The following DNAH2 variants were observed in gnomAD, a reference collection of about 807,000 sequenced individuals.
DNAH2 encodes dynein axonemal heavy chain 2, also known as axonemal beta dynein heavy chain 2.
DNAH2 carries 323 observed loss-of-function variants against 523.5 expected under a neutral mutation model. The ratio of observed to expected loss-of-function variants is 0.62; its 90% confidence interval spans 0.56 to 0.68. The LOEUF (loss-of-function observed/expected upper bound fraction) is 0.68, where lower values mean the gene tolerates loss of function less well. Among genes scored for constraint, DNAH2 ranks in the 30% least tolerant of loss-of-function variants. The pLI is 0.00. For missense variants in DNAH2, 4,907 were observed against 5,701.5 expected (o/e 0.86, Z 4.49); for synonymous variants, 2,093 against 2,177.4 (o/e 0.96, Z 1.08).
At chr17:7,818,134 T>C (rs767862191) in intron 68 of DNAH2, 38 bp downstream of exon 68, 3 of 1,607,876 alleles carry the variant, frequency 1.9e-6, no homozygotes, top group South Asian at 1.1e-5. Flanking sequence ...AGTGGGATGC[T>C]AGGGAGGGAA....
At position 7,818,058 on chromosome 17, in the gene DNAH2, C is replaced by T. The variant is rs1402191903; in HGVS notation, c.10349C>T (p.Thr3450Ile). Residue 3450 changes from threonine (T) to isoleucine (I), a missense_variant, in exon 68 of 86, where the codon ACA becomes ATA. Physicochemically the swap from Thr to Ile is moderately conservative, Grantham distance 89. Coordinates refer to ENST00000572933, the MANE Select transcript of DNAH2 (RefSeq NM_020877.5). ...LQNVQEYLDPTLNPMLNKSVA... is the reference protein window; with the variant it reads ...LQNVQEYLDPILNPMLNKSVA... ...AACGTGCAGGAATATCTGGACCCCA[C>T]ACTGAACCCCATGCTCAACAAATCT... 6.2e-7 allele frequency: 1 copy of T among 1,613,470 alleles called. No individual in the cohort carries two copies. Among genetic ancestry groups the T allele is most frequent in the South Asian group, 1.1e-5 (1 of 91,088 alleles).
Position 7,798,962 on chromosome 17 carries a change from G to C in DNAH2, c.8560-141G>C. ...AGTTCCAGCTACTCGGGGGTGGGGGGTGCTGAAGTGGGAGGATGGTTTGAG... is the reference window on the plus strand; with the variant it reads ...AGTTCCAGCTACTCGGGGGTGGGGGCTGCTGAAGTGGGAGGATGGTTTGAG... On this transcript the variant is annotated intron_variant, in intron 55 of 85. Coordinates refer to ENST00000572933, the MANE Select transcript of DNAH2 (RefSeq NM_020877.5). This position sits in a 1 kb window ranked among gnomAD's most constrained non-coding sequence, Gnocchi z 5.5. The C allele has an allele frequency of 2.4e-6, 3 of 1,253,588 alleles. 1 individual carries two copies. The highest frequency in any genetic ancestry group is 2.9e-5 in the South Asian group (2 of 69,692). 77.7% of individuals were successfully genotyped at this position (1,253,588 alleles called of 1,614,324 possible).
chr17:7,825,940 C>T (rs370978241), intron 77 of DNAH2, among the ~76,000 whole-genome samples: 5 of 152,248 alleles, frequency 3.3e-5, no homozygotes, highest in East Asian at 3.9e-4. Context: ...TGGCTCAGGC[C>T]GGGTGTGATG....
At position 7,818,368 on chromosome 17, in the gene DNAH2, C is replaced by T. The variant is rs374920784; in HGVS notation, c.10444C>T (p.Arg3482Cys). The T allele has an allele frequency of 1.1e-5, 17 of 1,614,072 alleles. No individual in the cohort carries two copies. In the African/African-American group the frequency reaches 1.2e-4, roughly 11 times the overall value. ...DKEVEYNTNFRFYITTKLSNP... is the reference protein window; with the variant it reads ...DKEVEYNTNFCFYITTKLSNP... ...GGAGGTGGAATATAATACCAATTTCCGTTTCTACATCACCACCAAGCTCTC... is the reference window on the plus strand; with the variant it reads ...GGAGGTGGAATATAATACCAATTTCTGTTTCTACATCACCACCAAGCTCTC... Residue 3482 changes from arginine (R) to cysteine (C), a missense_variant, in exon 69 of 86, where the codon CGT (arginine) becomes TGT (cysteine). Arg to Cys is a radical substitution (Grantham distance 180). Coordinates refer to ENST00000572933, the MANE Select transcript of DNAH2 (RefSeq NM_020877.5).
At chr17:7,802,260 C>CT (rs1412918904) in intron 58 of DNAH2, among the ~76,000 whole-genome samples, 1 of 152,218 alleles carries the variant, frequency 6.6e-6, no homozygotes, top group Non-Finnish European at 1.5e-5. Context: ...GTTTCTCTGT[C>CT]TTTTTCTGAC....
intron 12 of DNAH2, among the ~76,000 whole-genome samples, chr17:7,748,421 T>C (rs190219584): frequency 4.5e-3 from 693 of 152,344 alleles, no homozygotes; most frequent in Admixed American, 8.8e-3. Context: ...CTTTCCTTTC[T>C]ACCTCTACTG....
intron 12 of DNAH2, among the ~76,000 whole-genome samples, chr17:7,747,783 A>G (rs190494415): frequency 6.6e-6 from 1 of 152,290 alleles, no homozygotes; most frequent in East Asian, 1.9e-4. Context: ...GATACTTTAC[A>G]TTTTTGTGGT....
chr17:7,799,722 G>T (rs1486399626), intron 56 of DNAH2, among the ~76,000 whole-genome samples: 1 of 152,152 alleles, frequency 6.6e-6, no homozygotes, highest in East Asian at 1.9e-4. Flanking sequence ...GGAGGATGAA[G>T]CAGGAGAATC....
Position 7,764,049 on chromosome 17 carries a change from C to G in DNAH2, c.3179+18C>G. 1 of 1,614,178 alleles carries G rather than the reference C, an allele frequency of 6.2e-7. No individual in the cohort carries two copies. The highest frequency in any genetic ancestry group is 8.5e-7 in the Non-Finnish European group (1 of 1,180,024). On this transcript the variant is annotated intron_variant, in intron 19 of 85. Transcript: ENST00000572933. ...GCAGAGAAGTGCGGGCTGGGGCGCCCCACAGGAAGGGGGCAGGGGCAGGCA... is the reference window on the plus strand; with the variant it reads ...GCAGAGAAGTGCGGGCTGGGGCGCCGCACAGGAAGGGGGCAGGGGCAGGCA...
At chr17:7,747,372 T>G (rs2075547631) in intron 12 of DNAH2, among the ~76,000 whole-genome samples, 1 of 152,164 alleles carries the variant, frequency 6.6e-6, no homozygotes, top group African/African-American at 2.4e-5. Flanking sequence ...TATGAAATCA[T>G]AGTATGGCTG....
In DNAH2 at chr17:7,832,511, A is replaced by G; in HGVS notation, c.12727-68A>G. 6.4e-7 allele frequency: 1 copy of G among 1,551,474 alleles called. No individual in the cohort carries two copies. The highest frequency in any genetic ancestry group is 1.2e-5 in the South Asian group (1 of 84,188). ...GGGACAAGAGCAAAACTCTGTCTCT[A>G]AATAAATAAATAATACGGATTTGAA... On this transcript the variant is annotated intron_variant, in intron 82 of 85. Coordinates refer to ENST00000572933, the MANE Select transcript of DNAH2 (RefSeq NM_020877.5). This position sits in a 1 kb window ranked among gnomAD's most constrained non-coding sequence, Gnocchi z 4.3.
chr17:7,721,765 G>T (rs1239736944), intron 2 of DNAH2, among the ~76,000 whole-genome samples: 1 of 152,192 alleles, frequency 6.6e-6, no homozygotes, highest in African/African-American at 2.4e-5. Context: ...TGTGTGACTA[G>T]TAGATCAGGA....
chr17:7,805,247 C>A lies in DNAH2; in HGVS notation c.9301-5C>A, dbSNP rs770438438. On this transcript the variant is annotated splice_region_variant and splice_polypyrimidine_tract_variant and intron_variant, in intron 60 of 85. Coordinates refer to ENST00000572933, the MANE Select transcript of DNAH2 (RefSeq NM_020877.5). ...TTACCCTCACTTTATCCCCTTTTCC[C>A]CCAGGCCCTGGAGTCTCTGAACAAG... 1.9e-6 allele frequency: 3 copies of A among 1,613,996 alleles called. No individual in the cohort carries two copies. The African/African-American group carries it at 4.0e-5, about 22-fold the overall frequency.
At chr17:7,803,239 G>A (rs967653952) in intron 58 of DNAH2, among the ~76,000 whole-genome samples, 1 of 152,150 alleles carries the variant, frequency 6.6e-6, no homozygotes, top group Admixed American at 6.5e-5. Flanking sequence ...TGTTTTACCT[G>A]TGTTTCTGCC....
chr17:7,773,672 A>G (rs999974890), intron 28 of DNAH2, among the ~76,000 whole-genome samples: 2 of 152,186 alleles, frequency 1.3e-5, no homozygotes, highest in African/African-American at 2.4e-5. Context: ...CAGCAAAACT[A>G]TCATGAATTT....
rs1441614073 is a variant in DNAH2, at chr17:7,766,214, A to G, written c.3512-104A>G. The G allele has an allele frequency of 2.5e-6, 3 of 1,220,614 alleles. No homozygotes were observed. In the Admixed American group the frequency reaches 6.3e-5, roughly 26 times the overall value. 75.6% of individuals were successfully genotyped at this position (1,220,614 alleles called of 1,614,324 possible). A position where few individuals can be genotyped will look rare whatever the true frequency, so the allele number is the denominator to read the frequency against. ...TTACTCTCCTTCCCTTCCCTCTCTC[A>G]CGTGAGGAGAGAGGTGAGATTTGCC... On this transcript the variant is annotated intron_variant, in intron 21 of 85. Transcript: ENST00000572933.
At chr17:7,801,432 G>A in intron 56 of DNAH2, 146 bp from the exon 57 acceptor site, 1 of 1,160,132 alleles carries the variant, frequency 8.6e-7, no homozygotes, top group Non-Finnish European at 1.2e-6. Context: ...TAGCTCTGCA[G>A]GAACAGAATT....
chr17:7,793,139 G>C lies in DNAH2; in HGVS notation c.7503G>C (p.Leu2501=). ...DMFGSQPPLE[L]IRLWIDYGFW... is the part of the protein sequence containing the mutation. The stretch of plus-strand genomic sequence containing the variant: ...TTGGGTCCCAGCCACCCCTGGAGCT[G>C]ATCCGCCTCTGGATTGACTATGGCT... The change falls in exon 48 of 86, where the codon CTG becomes CTC. Residue 2501 remains leucine (L), a synonymous_variant. Transcript: ENST00000572933. The C allele has an allele frequency of 6.2e-7, 1 of 1,614,194 alleles. No homozygotes were observed. The highest frequency in any genetic ancestry group is 1.3e-5 in the African/African-American group (1 of 75,034).
rs1053591107 is a variant in DNAH2 at position 7,817,932 on chromosome 17, C to T, written c.10237-14C>T. On this transcript the variant is annotated splice_polypyrimidine_tract_variant and intron_variant, in intron 67 of 85. Transcript: ENST00000572933. ...CTCCCGTAGTGTTCCTTCACCTTCC[C>T]CCTTGCTCTCTAGGGCCTGAAGATC... 2 of 1,614,002 alleles carry T rather than the reference C, an allele frequency of 1.2e-6. No homozygotes were observed.
Sources: gnomAD v4.1 joint callset for allele counts (sites outside exome capture counted in the v4.1 genomes callset) on GRCh38, gnomAD v4.1.1 for gene constraint, Gnocchi (gnomAD v3.1) non-coding constraint, MANE v1.5 for transcripts, NCBI Gene and HGNC (gene_info 2026-07-23, HGNC 2026-07-21) for gene names.